The following SPINT2 variants were observed in gnomAD, a reference collection of about 807,000 sequenced individuals.
SPINT2 encodes kunitz-type protease inhibitor 2.
In SPINT2, 18 loss-of-function variants were observed where a neutral mutation model predicts 30.1. The observed-to-expected ratio is 0.60, with a 90% CI of 0.41 to 0.89. The LOEUF (loss-of-function observed/expected upper bound fraction) is 0.89. Ranked by LOEUF, SPINT2 falls within the 40% of genes least tolerant of loss-of-function variation. SPINT2 has a pLI of 0.00. For missense variants in SPINT2, 276 were observed against 334.3 expected, an observed-to-expected ratio of 0.83 and a Z score of 1.36; for synonymous variants, 139 against 137.9, an observed-to-expected ratio of 1.01 and a Z score of -0.05.
In SPINT2 at chr19:38,290,038, G is replaced by A. The variant is rs1968696227; in HGVS notation, c.392-81G>A. On this transcript the variant is annotated intron_variant, in intron 4 of 6. Coordinates refer to ENST00000301244, the MANE Select transcript of SPINT2 (RefSeq NM_021102.4). This position sits in a 1 kb window ranked among gnomAD's most constrained non-coding sequence, Gnocchi z 4.3. The stretch of plus-strand genomic sequence containing the variant: ...GTTTCTCCGTCTGCTGGAGCCGCAA[G>A]CCTCCTCAGGCACTTTCTGGCTTGC... 1.3e-6 allele frequency: 2 copies of A among 1,507,678 alleles called. No individual in the cohort carries two copies. Among genetic ancestry groups the A allele is most frequent in the Non-Finnish European group, 1.8e-6 (2 of 1,086,854 alleles). 93.4% of individuals were successfully genotyped at this position (1,507,678 alleles called of 1,614,324 possible).
Position 38,266,144 on chromosome 19 carries a change from G to C in SPINT2, c.106+1146G>C, listed in dbSNP as rs1474485420. Among the ~76,000 whole-genome samples the C allele has an allele frequency of 2.0e-5, 3 of 152,170 alleles. No individual in the cohort carries two copies. The East Asian group carries it at 5.8e-4, about 29-fold the overall frequency. On this transcript the variant is annotated intron_variant, in intron 1 of 6. Coordinates refer to ENST00000301244, the MANE Select transcript of SPINT2 (RefSeq NM_021102.4). The stretch of plus-strand genomic sequence containing the variant: ...GGCAATAGAGTACAAAGGCCTTGAA[G>C]CTGGAACAAGCTTGGTTGGGTTCAG...
intron 1 of SPINT2, among the ~76,000 whole-genome samples, chr19:38,276,183 A>G (rs1160315865): frequency 6.6e-6 from 1 of 152,140 alleles, no homozygotes; most frequent in African/African-American, 2.4e-5. Context: ...TCTAGAAAAA[A>G]CAGATGGGTG....
Position 38,290,562 on chromosome 19 carries a change from C to A in SPINT2, c.579C>A (p.Pro193=), listed in dbSNP as rs1362943787. The part of the protein sequence containing the change: ...CFRQQENPPL[P]LGSKVVVLAG... ...GCCAGCAGGAGAATCCTCCCCTGCCCCTTGGCTCAAAGGGTAAGTGGCCCC... is the reference window on the plus strand; with the variant it reads ...GCCAGCAGGAGAATCCTCCCCTGCCACTTGGCTCAAAGGGTAAGTGGCCCC... Residue 193 remains proline, a synonymous_variant, in exon 6 of 7, where the codon CCC becomes CCA. Transcript: ENST00000301244. The surrounding 1 kb of genome is among the most constrained non-coding windows in gnomAD (Gnocchi z 4.3). 6.2e-7 allele frequency: 1 copy of A among 1,613,952 alleles called. No homozygotes were observed. The highest frequency in any genetic ancestry group is 1.3e-5 in the African/African-American group (1 of 74,936).
At position 38,292,563 on chromosome 19, in the gene SPINT2, T is replaced by G. The variant is rs1171272051; in HGVS notation, c.*557T>G. ...AAATAGACCCCTCAAAATAGCGTCT[T>G]TCAGATCTTTTTGAATGAATCCACA... On this transcript the variant is annotated 3_prime_UTR_variant, in exon 7 of 7. Transcript: ENST00000301244. 1 of 153,116 alleles carries G rather than the reference T, an allele frequency of 6.5e-6. No individual in the cohort carries two copies. Among genetic ancestry groups the G allele is most frequent in the Non-Finnish European group, 1.5e-5 (1 of 68,676 alleles). The allele number at this position is 153,116 out of a possible 1,614,324, so 9.5% of individuals were successfully genotyped here.
chr19:38,277,120 A>G (rs1044613390), intron 1 of SPINT2, among the ~76,000 whole-genome samples: 1 of 152,196 alleles, frequency 6.6e-6, no homozygotes, highest in African/African-American at 2.4e-5. Context: ...GATATACCAG[A>G]CATGGGGTAT....
Position 38,290,243 on chromosome 19 carries a change from C to T in SPINT2, c.516C>T (p.Ser172=), listed in dbSNP as rs1413714008. The T allele has an allele frequency of 6.2e-7, 1 of 1,612,320 alleles. No homozygotes were observed. The highest frequency in any genetic ancestry group is 1.7e-5 in the Admixed American group (1 of 60,016). The change falls in exon 5 of 7, where the codon AGC becomes AGT. Residue 172 remains serine, a synonymous_variant. Coordinates refer to ENST00000301244, the MANE Select transcript of SPINT2 (RefSeq NM_021102.4). This position sits in a 1 kb window ranked among gnomAD's most constrained non-coding sequence, Gnocchi z 4.3. ...IYGGCRGNKN[S]YRSEEACMLR... ...GAGGCTGCCGGGGCAATAAGAACAG[C>T]TACCGCTCTGAGGAGGCCTGCATGC...
At chr19:38,280,717 T>C (rs1355431128) in intron 1 of SPINT2, among the ~76,000 whole-genome samples, 2 of 147,888 alleles carry the variant, frequency 1.4e-5, no homozygotes, top group African/African-American at 4.9e-5. Flanking sequence ...ATTCCTGCCA[T>C]GATACTGTGG....
intron 1 of SPINT2, among the ~76,000 whole-genome samples, chr19:38,268,766 CGTGTGTGTGTGT>C (rs10526704): frequency 1.3e-5 from 2 of 149,818 alleles, no homozygotes; most frequent in Non-Finnish European, 3.0e-5. Flanking sequence ...TGCGCGCGCG[CGTGTGTGTGTGT>C]GTGTGTGTGT....
Position 38,290,666 on chromosome 19 carries a change from C to T in SPINT2, c.592+91C>T. On this transcript the variant is annotated intron_variant, in intron 6 of 6. Coordinates refer to ENST00000301244, the MANE Select transcript of SPINT2 (RefSeq NM_021102.4). The surrounding 1 kb of genome is among the most constrained non-coding windows in gnomAD (Gnocchi z 4.3). Reference sequence around the variant, plus strand: ...CCTGCCCAGCTGTGGTTTACATTATCCTTCACTGTGAACATCATCTTGGCA... The same window carrying T: ...CCTGCCCAGCTGTGGTTTACATTATTCTTCACTGTGAACATCATCTTGGCA... The T allele has an allele frequency of 6.8e-7, 1 of 1,477,616 alleles. No individual in the cohort carries two copies. The highest frequency in any genetic ancestry group is 9.3e-7 in the Non-Finnish European group (1 of 1,079,020). 91.5% of individuals were successfully genotyped at this position (1,477,616 alleles called of 1,614,324 possible).
Position 38,292,077 on chromosome 19 carries a change from T to G in SPINT2, c.*71T>G. ...GTGAGCTTTTTTTAAATAGAGGGATTGACTCGGATTTGAGTGATCATTAGG... is the reference window on the plus strand; with the variant it reads ...GTGAGCTTTTTTTAAATAGAGGGATGGACTCGGATTTGAGTGATCATTAGG... On this transcript the variant is annotated 3_prime_UTR_variant, in exon 7 of 7. Transcript: ENST00000301244. 2 of 1,561,876 alleles carry G rather than the reference T, an allele frequency of 1.3e-6. No individual in the cohort carries two copies. The highest frequency in any genetic ancestry group is 1.7e-6 in the Non-Finnish European group (2 of 1,148,824).
chr19:38,290,399 G>A lies in SPINT2; in HGVS notation c.553+119G>A, dbSNP rs1968702744. On this transcript the variant is annotated intron_variant, in intron 5 of 6. Transcript: ENST00000301244. The surrounding 1 kb of genome is among the most constrained non-coding windows in gnomAD (Gnocchi z 4.3). ...TTCTTGGGCCCACCAGGGCAGCAAG[G>A]CCTCTAAGCCCCAGAAAAGCTGGAA... 2 of 1,581,448 alleles carry A rather than the reference G, an allele frequency of 1.3e-6. No homozygotes were observed. The highest frequency in any genetic ancestry group is 1.7e-6 in the Non-Finnish European group (2 of 1,162,618).
chr19:38,272,449 C>T (rs1430971838), intron 1 of SPINT2, among the ~76,000 whole-genome samples: 1 of 152,130 alleles, frequency 6.6e-6, no homozygotes, highest in African/African-American at 2.4e-5. Flanking sequence ...TGAGAAACAC[C>T]ATTCCAGAGA....
intron 1 of SPINT2, among the ~76,000 whole-genome samples, chr19:38,280,488 C>G (rs1411682212): frequency 1.3e-5 from 2 of 152,126 alleles, no homozygotes; most frequent in African/African-American, 4.8e-5. Context: ...CATGTATCAT[C>G]CCGTGCGCTG....
intron 6 of SPINT2, chr19:38,291,639 C>T (rs1968720221): frequency 1.6e-6 from 1 of 622,232 alleles, no homozygotes; most frequent in Non-Finnish European, 2.7e-6. Flanking sequence ...CATGGCGCCT[C>T]CTTTTTTGGG....
rs952124297 is a variant in SPINT2, at chr19:38,264,840, C to G, written c.-53C>G. On this transcript the variant is annotated 5_prime_UTR_variant, in exon 1 of 7. It adds an upstream start codon to the 5' untranslated region. Transcript: ENST00000301244. ...CGTTGAGGGGCTTCCCGCACCTGAT[C>G]GCGAGACCCCAACGGCTGGTGGCGT... 1.3e-6 allele frequency: 2 copies of G among 1,513,896 alleles called. No homozygotes were observed. Among genetic ancestry groups the G allele is most frequent in the African/African-American group, 2.8e-5 (2 of 72,174 alleles). The allele number at this position is 1,513,896 out of a possible 1,614,324, so 93.8% of individuals were successfully genotyped here.
chr19:38,270,744 G>A (rs943850953), intron 1 of SPINT2, among the ~76,000 whole-genome samples: 7 of 152,190 alleles, frequency 4.6e-5, no homozygotes, highest in African/African-American at 4.8e-5. Context: ...TCCCCACCCT[G>A]TTTCTCATTT....
chr19:38,275,908 G>T (rs1043731413), intron 1 of SPINT2, among the ~76,000 whole-genome samples: 1 of 150,280 alleles, frequency 6.7e-6, no homozygotes, highest in East Asian at 2.0e-4. Context: ...TGTATTTTTA[G>T]TACAGACGGG....
At chr19:38,269,380 T>C (rs897512038) in intron 1 of SPINT2, among the ~76,000 whole-genome samples, 5 of 150,534 alleles carry the variant, frequency 3.3e-5, no homozygotes, top group South Asian at 2.1e-4. Flanking sequence ...GCAACACTTA[T>C]TTGAGAACCT....
intron 1 of SPINT2, among the ~76,000 whole-genome samples, chr19:38,282,739 T>C (rs1968593861): frequency 6.6e-6 from 1 of 152,222 alleles, no homozygotes; most frequent in Non-Finnish European, 1.5e-5. Flanking sequence ...GTGTTGTCTT[T>C]GGAGCCATGG....
Sources: gnomAD v4.1 joint callset for allele counts (sites outside exome capture counted in the v4.1 genomes callset) on GRCh38, gnomAD v4.1.1 for gene constraint, Gnocchi (gnomAD v3.1) non-coding constraint, MANE v1.5 for transcripts, NCBI Gene and HGNC (gene_info 2026-07-23, HGNC 2026-07-21) for gene names.